SRBD1: variants seen among roughly 807,000 people sequenced by gnomAD.
SRBD1 encodes the protein S1 RNA binding domain 1.
In SRBD1, 88 loss-of-function variants were observed where a neutral mutation model predicts 115.3. The ratio of observed to expected loss-of-function variants is 0.76; its 90% confidence interval spans 0.64 to 0.91. The LOEUF is 0.91. Among genes scored for constraint, SRBD1 ranks in the 40% least tolerant of loss-of-function variants. The probability of loss-of-function intolerance (pLI) is 0.00; values close to 1 mark genes in which losing one functional copy is unlikely to be tolerated. For synonymous variants in SRBD1, 509 were observed against 407.7 expected (o/e 1.25, Z -2.99); for missense variants, 1,385 against 1,177.4 (o/e 1.18, Z -2.58).
intron 14 of SRBD1, among the ~76,000 whole-genome samples, chr2:45,498,613 G>C (rs1265276413): frequency 6.6e-6 from 1 of 151,966 alleles, no homozygotes; most frequent in East Asian, 1.9e-4. Flanking sequence ...TTTCCCCACT[G>C]TACTACGGAA....
intron 1 of SRBD1, among the ~76,000 whole-genome samples, chr2:45,608,477 G>A (rs1482001786): frequency 2.0e-5 from 3 of 152,080 alleles, no homozygotes; most frequent in Admixed American, 6.5e-5. Flanking sequence ...CAATATTCTT[G>A]AGGCCTGTTT....
intron 2 of SRBD1, among the ~76,000 whole-genome samples, chr2:45,604,365 A>C (rs563973805): frequency 1.4e-5 from 2 of 138,508 alleles, no homozygotes; most frequent in Admixed American, 7.1e-5. Context: ...TCAGCTACTA[A>C]CAGGGAGGGG....
At chr2:45,496,304 T>C (rs1196634790) in intron 14 of SRBD1, among the ~76,000 whole-genome samples, 1 of 151,952 alleles carries the variant, frequency 6.6e-6, no homozygotes, top group Non-Finnish European at 1.5e-5. Flanking sequence ...TACTCCATCA[T>C]TATCTAATAA....
At chr2:45,564,867 G>A (rs1337688092) in intron 9 of SRBD1, among the ~76,000 whole-genome samples, 2 of 152,130 alleles carry the variant, frequency 1.3e-5, no homozygotes, top group Non-Finnish European at 2.9e-5. Context: ...CCAACTCTGG[G>A]ACTTGCATAT....
At chr2:45,392,619 C>T (rs1667034655) in intron 20 of SRBD1, among the ~76,000 whole-genome samples, 1 of 152,144 alleles carries the variant, frequency 6.6e-6, no homozygotes, top group African/African-American at 2.4e-5. Context: ...ACTTCTGGCT[C>T]CCAAGAGATA....
chr2:45,488,183 A>AC, intron 15 of SRBD1, 57 bp downstream of exon 15: 1 of 1,434,670 alleles, frequency 7.0e-7, no homozygotes, highest in Non-Finnish European at 9.8e-7. Context: ...AGCATGCCAC[A>AC]CATGCTGCCC....
At chr2:45,431,937 G>A (rs1297057399) in intron 16 of SRBD1, among the ~76,000 whole-genome samples, 1 of 152,128 alleles carries the variant, frequency 6.6e-6, no homozygotes, top group African/African-American at 2.4e-5. Context: ...CAGGTCAGCT[G>A]TAAATATAAA....
intron 14 of SRBD1, among the ~76,000 whole-genome samples, chr2:45,495,001 A>G (rs1670413007): frequency 1.3e-5 from 2 of 152,082 alleles, no homozygotes; most frequent in African/African-American, 4.8e-5. Flanking sequence ...GTAGTGGTAC[A>G]GTTATCACAC....
At position 45,491,349 on chromosome 2, in the gene SRBD1, TACAA is replaced by T. The variant is rs575778135; in HGVS notation, c.1875-3022_1875-3019del. On this transcript the variant is annotated intron_variant, in intron 14 of 20. Coordinates refer to ENST00000263736, the MANE Select transcript of SRBD1 (RefSeq NM_018079.5). ...TTTCACAAAACAAATTTCTCAGCAG[TACAA>T]ACAAATTAGCCTCAAAATCCTAGCA... 2.8e-3 allele frequency among the ~76,000 whole-genome samples: 424 copies of T among 152,332 alleles called. 1 individual carries two copies. The highest frequency in any genetic ancestry group is 9.5e-3 in the African/African-American group (395 of 41,590).
At chr2:45,390,059 G>C (rs1666955945) in intron 20 of SRBD1, among the ~76,000 whole-genome samples, 1 of 152,030 alleles carries the variant, frequency 6.6e-6, no homozygotes, top group African/African-American at 2.4e-5. Flanking sequence ...TCAACTTTTG[G>C]CCAAATGTGG....
chr2:45,451,090 G>A (rs1668977931), intron 16 of SRBD1, among the ~76,000 whole-genome samples: 1 of 152,084 alleles, frequency 6.6e-6, no homozygotes. Context: ...GTCTTGAAAG[G>A]GCTATTTGCA....
chr2:45,457,753 T>G (rs1265281377), intron 16 of SRBD1, among the ~76,000 whole-genome samples: 1 of 152,016 alleles, frequency 6.6e-6, no homozygotes, highest in African/African-American at 2.4e-5. Context: ...TCAGCTAACA[T>G]TTGGGAGCTG....
chr2:45,554,088 C>T (rs530696091), intron 10 of SRBD1, among the ~76,000 whole-genome samples: 1 of 152,250 alleles, frequency 6.6e-6, no homozygotes, highest in East Asian at 1.9e-4. Context: ...CTCCCCATAT[C>T]CATACCTTGA....
intron 16 of SRBD1, among the ~76,000 whole-genome samples, chr2:45,426,447 C>T (rs191945218): frequency 6.6e-6 from 1 of 152,326 alleles, no homozygotes; most frequent in African/African-American, 2.4e-5. Context: ...AACGTTCTTG[C>T]CTGCTGGATC....
At chr2:45,431,021 C>T (rs1420602525) in intron 16 of SRBD1, among the ~76,000 whole-genome samples, 1 of 152,092 alleles carries the variant, frequency 6.6e-6, no homozygotes, top group Non-Finnish European at 1.5e-5. Context: ...ATTTATGCGG[C>T]CAACAAACAT....
Position 45,540,186 on chromosome 2 carries a change from C to A in SRBD1, c.1874+6546G>T, listed in dbSNP as rs928334945. On this transcript the variant is annotated intron_variant, in intron 14 of 20. Transcript: ENST00000263736. ...TGAAACCCTGTCTCTACTAAAAATA[C>A]AAAAATTAGCTGGGCATGGTGGCAG... is the stretch of plus-strand genomic sequence containing the variant. 2.6e-5 allele frequency among the ~76,000 whole-genome samples: 4 copies of A among 151,672 alleles called. 1 individual carries two copies. The highest frequency in any genetic ancestry group is 9.7e-5 in the African/African-American group (4 of 41,274).
At chr2:45,556,592 A>G (rs923668436) in intron 10 of SRBD1, among the ~76,000 whole-genome samples, 2 of 151,468 alleles carry the variant, frequency 1.3e-5, no homozygotes, top group African/African-American at 4.8e-5. Context: ...CCTCCCGAGT[A>G]GCTGGGACTA....
At chr2:45,506,035 C>T (rs943526983) in intron 14 of SRBD1, among the ~76,000 whole-genome samples, 4 of 152,108 alleles carry the variant, frequency 2.6e-5, no homozygotes, top group African/African-American at 9.7e-5. Context: ...TTTGTTGCTC[C>T]TCAGACCTGA....
chr2:45,552,009 G>C (rs1282864653), intron 11 of SRBD1, among the ~76,000 whole-genome samples: 3 of 152,138 alleles, frequency 2.0e-5, no homozygotes, highest in Non-Finnish European at 4.4e-5. Flanking sequence ...CGGAGATAAA[G>C]GGGAGGAAAA....
Sources: allele counts gnomAD v4.1 joint callset (sites outside exome capture counted in the v4.1 genomes callset), GRCh38; gene constraint gnomAD v4.1.1; transcripts MANE v1.5; gene names NCBI Gene and HGNC (gene_info 2026-07-23, HGNC 2026-07-21).